GALNT10: variants seen among roughly 807,000 people sequenced by gnomAD.
GALNT10 encodes the protein polypeptide N-acetylgalactosaminyltransferase 10.
A neutral mutation model predicts 75.0 loss-of-function variants in GALNT10; 41 were observed. The observed-to-expected ratio is 0.55, with a 90% CI of 0.43 to 0.71. The LOEUF (loss-of-function observed/expected upper bound fraction) is 0.71, where lower values mean the gene tolerates loss of function less well. Among genes scored for constraint, GALNT10 ranks in the 30% least tolerant of loss-of-function variants. The pLI is 0.00. For missense variants in GALNT10, 727 were observed against 818.5 expected (o/e 0.89, Z 1.36); for synonymous variants, 302 against 313.0 (o/e 0.96, Z 0.37).
At chr5:154,251,139 C>T (rs776264398) in intron 1 of GALNT10, among the ~76,000 whole-genome samples, 11 of 152,170 alleles carry the variant, frequency 7.2e-5, no homozygotes, top group African/African-American at 2.2e-4. Context: ...GAGCCACTAC[C>T]GGCTAAAAAG....
chr5:154,355,512 C>T (rs1039542031), intron 4 of GALNT10, among the ~76,000 whole-genome samples: 1 of 152,218 alleles, frequency 6.6e-6, no homozygotes, highest in Non-Finnish European at 1.5e-5. Flanking sequence ...AAGGAAGGGC[C>T]AGGGCCAGGT....
At chr5:154,370,931 T>C (rs936808021) in intron 4 of GALNT10, among the ~76,000 whole-genome samples, 3 of 152,194 alleles carry the variant, frequency 2.0e-5, no homozygotes, top group Non-Finnish European at 4.4e-5. Context: ...GCCATGTCAC[T>C]GTCACAGTGC....
chr5:154,366,319 T>C (rs1281259944), intron 4 of GALNT10, among the ~76,000 whole-genome samples: 3 of 152,342 alleles, frequency 2.0e-5, no homozygotes, highest in African/African-American at 7.2e-5. Flanking sequence ...TACTACATAT[T>C]AATTTTATTT....
chr5:154,401,838 G>C (rs529014412), intron 7 of GALNT10, among the ~76,000 whole-genome samples: 1 of 152,112 alleles, frequency 6.6e-6, no homozygotes, highest in Non-Finnish European at 1.5e-5. Flanking sequence ...CAATCCCCAC[G>C]ACCTCATCGA....
intron 1 of GALNT10, among the ~76,000 whole-genome samples, chr5:154,247,753 T>G (rs1753452120): frequency 6.6e-6 from 1 of 152,242 alleles, no homozygotes; most frequent in Non-Finnish European, 1.5e-5. Context: ...TTGTGTCATC[T>G]GCAAAAAGGG....
chr5:154,286,386 T>TTG (rs755457967), intron 1 of GALNT10, among the ~76,000 whole-genome samples: 13,360 of 101,766 alleles, frequency 0.13, 699 homozygotes, highest in African/African-American at 0.25. Context: ...AGTCGATTTG[T>TTG]TTTTTTTTTT....
Position 154,298,628 on chromosome 5 carries a change from A to G in GALNT10, c.401+549A>G, listed in dbSNP as rs1477623379. 6.6e-6 allele frequency among the ~76,000 whole-genome samples: 1 copy of G among 152,180 alleles called. No homozygotes were observed. Among genetic ancestry groups the G allele is most frequent in the East Asian group, 1.9e-4 (1 of 5,194 alleles). On this transcript the variant is annotated intron_variant, in intron 3 of 11. Transcript: ENST00000297107. This position sits in a 1 kb window ranked among gnomAD's most constrained non-coding sequence, Gnocchi z 4.1. ...TAATGATGCCGATTTTACAGTGAGA[A>G]AACTGGGGCTTAAAGGAGGGTCATA...
At chr5:154,266,549 G>A in intron 1 of GALNT10, among the ~76,000 whole-genome samples, 1 of 143,638 alleles carries the variant, frequency 7.0e-6, no homozygotes, top group African/African-American at 2.6e-5. Context: ...TACAGTCAGG[G>A]AAAATAAAAT....
chr5:154,361,120 T>A (rs1290074559), intron 4 of GALNT10, among the ~76,000 whole-genome samples: 4 of 152,116 alleles, frequency 2.6e-5, no homozygotes, highest in Non-Finnish European at 4.4e-5. Flanking sequence ...CTATCTAGAA[T>A]GTCCACCCTG....
At chr5:154,246,656 G>T (rs2113671538) in intron 1 of GALNT10, among the ~76,000 whole-genome samples, 1 of 152,268 alleles carries the variant, frequency 6.6e-6, no homozygotes, top group East Asian at 1.9e-4. Context: ...TGATGGGGTT[G>T]TTTGTTTTTT....
intron 1 of GALNT10, among the ~76,000 whole-genome samples, chr5:154,208,497 T>TA (rs1775144287): frequency 6.6e-6 from 1 of 152,210 alleles, no homozygotes; most frequent in African/African-American, 2.4e-5. Flanking sequence ...TCTCATTTCT[T>TA]ACATTTTAAA....
At chr5:154,320,892 T>A (rs1415885577) in intron 3 of GALNT10, among the ~76,000 whole-genome samples, 1 of 152,184 alleles carries the variant, frequency 6.6e-6, no homozygotes, top group Non-Finnish European at 1.5e-5. Flanking sequence ...TGGAATGAGC[T>A]CTCTGCCAGA....
At chr5:154,378,439 C>T (rs1008048769) in intron 5 of GALNT10, among the ~76,000 whole-genome samples, 1 of 152,136 alleles carries the variant, frequency 6.6e-6, no homozygotes, top group Non-Finnish European at 1.5e-5. Flanking sequence ...CATCATTATC[C>T]ACTTTTTGCA....
rs1325976971 is a variant in GALNT10, at chr5:154,352,508, C to T, written c.568+22770C>T. ...ATTATCCCCATTTTGCCCATGAAAA[C>T]CCTGCAGCTGGGAGAGGTTAAGTAA... On this transcript the variant is annotated intron_variant, in intron 4 of 11. Transcript: ENST00000297107. This position sits in a 1 kb window ranked among gnomAD's most constrained non-coding sequence, Gnocchi z 4.4. 1.3e-5 allele frequency among the ~76,000 whole-genome samples: 2 copies of T among 152,308 alleles called. No individual in the cohort carries two copies. The highest frequency in any genetic ancestry group is 2.9e-5 in the Non-Finnish European group (2 of 68,030).
chr5:154,217,882 T>G (rs1189400189), intron 1 of GALNT10: 1 of 385,870 alleles, frequency 2.6e-6, no homozygotes, highest in East Asian at 1.6e-4. Context: ...AGCTATTAAT[T>G]TTTTGGTGTT....
intron 1 of GALNT10, among the ~76,000 whole-genome samples, chr5:154,215,011 C>T (rs1465690424): frequency 1.3e-5 from 2 of 152,150 alleles, no homozygotes; most frequent in Non-Finnish European, 2.9e-5. Flanking sequence ...TTCCATTATA[C>T]TATTGTTGGT....
chr5:154,371,287 C>A lies in GALNT10; in HGVS notation c.569-4990C>A, dbSNP rs895447920. Among the ~76,000 whole-genome samples the A allele has an allele frequency of 9.2e-5, 14 of 152,230 alleles. No individual in the cohort carries two copies. In the East Asian group the frequency reaches 1.5e-3, roughly 17 times the overall value. On this transcript the variant is annotated intron_variant, in intron 4 of 11. Coordinates refer to ENST00000297107, the MANE Select transcript of GALNT10 (RefSeq NM_198321.4). Reference sequence around the variant, plus strand: ...GAGTGCCCACCCTAATCCAGTATGACCCCGTCTTAACATAACTACATCTGC... The same window carrying A: ...GAGTGCCCACCCTAATCCAGTATGAACCCGTCTTAACATAACTACATCTGC...
At chr5:154,221,215 A>T (rs1187158708) in intron 1 of GALNT10, among the ~76,000 whole-genome samples, 1 of 152,230 alleles carries the variant, frequency 6.6e-6, no homozygotes, top group Admixed American at 6.5e-5. Flanking sequence ...AAGGGCTAGA[A>T]TCAGGGTACG....
At chr5:154,238,278 C>A (rs1428605820) in intron 1 of GALNT10, among the ~76,000 whole-genome samples, 1 of 143,380 alleles carries the variant, frequency 7.0e-6, no homozygotes, top group Non-Finnish European at 1.5e-5. Flanking sequence ...TTTCCTTCAA[C>A]CATAAAGTTT....
Sources: allele counts gnomAD v4.1 joint callset (sites outside exome capture counted in the v4.1 genomes callset), GRCh38; gene constraint gnomAD v4.1.1; non-coding constraint Gnocchi (gnomAD v3.1); transcripts MANE v1.5; gene names NCBI Gene and HGNC (gene_info 2026-07-23, HGNC 2026-07-21).